HS3ST3B1: variants seen among roughly 807,000 people sequenced by gnomAD.
HS3ST3B1 encodes heparan sulfate-glucosamine 3-sulfotransferase 3B1.
Under a neutral mutation model 21.3 loss-of-function variants are expected in HS3ST3B1, and 13 were observed. That is an observed-to-expected ratio of 0.61 (90% CI 0.40 to 0.97). The LOEUF (loss-of-function observed/expected upper bound fraction) is 0.97. Ranked by LOEUF, HS3ST3B1 falls within the 50% of genes least tolerant of loss-of-function variation. The pLI is 0.00. For missense variants in HS3ST3B1, 459 were observed against 554.8 expected, an observed-to-expected ratio of 0.83 and a Z score of 1.73; for synonymous variants, 234 against 254.8, an observed-to-expected ratio of 0.92 and a Z score of 0.78.
chr17:14,306,850 T>C (rs1909154544), intron 1 of HS3ST3B1, among the ~76,000 whole-genome samples: 1 of 152,204 alleles, frequency 6.6e-6, no homozygotes, highest in African/African-American at 2.4e-5. Context: ...AATCTACATT[T>C]GTATGCAACA....
rs1908938830 is a variant in HS3ST3B1, at chr17:14,301,785, G to T, written c.267G>T (p.Pro89=). The T allele has an allele frequency of 1.3e-6, 2 of 1,557,666 alleles. No homozygotes were observed. The highest frequency in any genetic ancestry group is 1.2e-5 in the South Asian group (1 of 85,148). The part of the protein sequence containing the change: ...TAPDGTPPRL[P]FRAPPATPLA... ...CGGACGGGACGCCCCCCAGGCTGCC[G>T]TTCCGGGCGCCGCCAGCCACCCCAC... is the stretch of plus-strand genomic sequence containing the variant. Residue 89 remains proline (P), a synonymous_variant, in exon 1 of 2, where the codon CCG becomes CCT. Coordinates refer to ENST00000360954, the MANE Select transcript of HS3ST3B1 (RefSeq NM_006041.3).
chr17:14,345,706 T>C lies in HS3ST3B1; in HGVS notation c.*60T>C, dbSNP rs1003098911. 1.3e-6 allele frequency: 2 copies of C among 1,535,166 alleles called. No individual in the cohort carries two copies. Among genetic ancestry groups the C allele is most frequent in the African/African-American group, 2.8e-5 (2 of 71,890 alleles). Reference sequence around the variant, plus strand: ...TATCTATTGACAGAGATTATATGTATGTAAAATGTACAGAAATCTATTTTA... The same window carrying C: ...TATCTATTGACAGAGATTATATGTACGTAAAATGTACAGAAATCTATTTTA... On this transcript the variant is annotated 3_prime_UTR_variant, in exon 2 of 2. Transcript: ENST00000360954.
At chr17:14,302,684 C>A (rs897876407) in intron 1 of HS3ST3B1, among the ~76,000 whole-genome samples, 2 of 152,000 alleles carry the variant, frequency 1.3e-5, no homozygotes, top group Non-Finnish European at 2.9e-5. Context: ...GGTGGCCCGG[C>A]GCCTCCGCCT....
rs1910529676 is a variant in HS3ST3B1, at chr17:14,345,393, A to G, written c.920A>G (p.Glu307Gly). 4 of 1,199,576 alleles carry G rather than the reference A, an allele frequency of 3.3e-6. No homozygotes were observed. Among genetic ancestry groups the G allele is most frequent in the Non-Finnish European group, 4.7e-6 (4 of 847,286 alleles). 74.3% of individuals were successfully genotyped at this position (1,199,576 alleles called of 1,614,324 possible). A position where few individuals can be genotyped will look rare whatever the true frequency, so the allele number is the denominator to read the frequency against. Residue 307 changes from glutamate to glycine, a missense_variant, in exon 2 of 2, where the codon GAG becomes GGG. Glu to Gly is a moderately conservative substitution (Grantham distance 98). Coordinates refer to ENST00000360954, the MANE Select transcript of HS3ST3B1 (RefSeq NM_006041.3). The stretch of plus-strand genomic sequence containing the variant: ...CGGCTCATCAGCGACCCGGCCGGGG[A>G]GCTGGGCCGCGTGCAAGACTTCCTG... ...GERLISDPAG[E>G]LGRVQDFLGL... is the part of the protein sequence containing the mutation.
chr17:14,320,796 C>T (rs1186636755), intron 1 of HS3ST3B1, among the ~76,000 whole-genome samples: 1 of 152,168 alleles, frequency 6.6e-6, no homozygotes, highest in African/African-American at 2.4e-5. Context: ...CTCAGCTCCG[C>T]AGACCTACAA....
chr17:14,329,370 G>GAAAGA, intron 1 of HS3ST3B1: 1 of 64,014 alleles, frequency 1.6e-5, no homozygotes, highest in East Asian at 4.9e-4. Flanking sequence ...AGAAAGAAAA[G>GAAAGA]GAAGGAAGGA....
intron 1 of HS3ST3B1, among the ~76,000 whole-genome samples, chr17:14,334,167 A>G (rs990262928): frequency 6.6e-6 from 1 of 152,216 alleles, no homozygotes; most frequent in Non-Finnish European, 1.5e-5. Context: ...TTGCAGAGGC[A>G]AAGAGAATGA....
chr17:14,338,412 A>C (rs11652661), intron 1 of HS3ST3B1, among the ~76,000 whole-genome samples: 20,315 of 151,268 alleles, frequency 0.13, 1,742 homozygotes, highest in Admixed American at 0.21. Context: ...ATGTGAGCCA[A>C]CACGCCCAGC....
intron 1 of HS3ST3B1, among the ~76,000 whole-genome samples, chr17:14,302,547 G>A (rs1288986747): frequency 3.9e-5 from 6 of 152,166 alleles, no homozygotes; most frequent in Admixed American, 2.0e-4. Flanking sequence ...GGTGGGGGCC[G>A]CGGCGTCCCG....
At chr17:14,316,971 C>T (rs1909519958) in intron 1 of HS3ST3B1, among the ~76,000 whole-genome samples, 1 of 152,232 alleles carries the variant, frequency 6.6e-6, no homozygotes, top group Non-Finnish European at 1.5e-5. Flanking sequence ...ACCGTAGGTT[C>T]TTCGTACTTG....
intron 1 of HS3ST3B1, among the ~76,000 whole-genome samples, chr17:14,321,990 TTA>T (rs138012664): frequency 1.4e-3 from 207 of 149,818 alleles, no homozygotes; most frequent in African/African-American, 2.5e-3. Context: ...ATCATCTCTT[TTA>T]TATATATATA....
rs376605009 is a variant in HS3ST3B1, at chr17:14,345,506, C to G, written c.1033C>G (p.Arg345Gly). The G allele has an allele frequency of 1.3e-6, 2 of 1,592,124 alleles. No individual in the cohort carries two copies. Among genetic ancestry groups the G allele is most frequent in the Non-Finnish European group, 1.7e-6 (2 of 1,163,666 alleles). The stretch of plus-strand genomic sequence containing the variant: ...CCTGAAGAAGGCGGAGGGCAGCAGC[C>G]GGCCCCATTGCCTGGGCAAGACCAA... Reference protein sequence around the residue: ...PCLKKAEGSSRPHCLGKTKGR... With the variant: ...PCLKKAEGSSGPHCLGKTKGR... The change falls in exon 2 of 2, where the codon CGG becomes GGG. Residue 345 changes from arginine to glycine, a missense_variant. By Grantham distance (125) the Arg-to-Gly change is moderately radical (BLOSUM62 -2). Coordinates refer to ENST00000360954, the MANE Select transcript of HS3ST3B1 (RefSeq NM_006041.3).
chr17:14,322,620 T>C (rs1242335568), intron 1 of HS3ST3B1, among the ~76,000 whole-genome samples: 1 of 152,148 alleles, frequency 6.6e-6, no homozygotes, highest in Non-Finnish European at 1.5e-5. Flanking sequence ...GCAGATCCCA[T>C]GTGTATGTAT....
In HS3ST3B1 at chr17:14,345,028, G is replaced by A. The variant is rs77608217; in HGVS notation, c.555G>A (p.Arg185=). The part of the protein sequence containing the change: ...RSYDKGLAWY[R]DLMPRTLDGQ... Reference sequence around the variant, plus strand: ...CGGTTTGTTTGCTTGCGTTTCTCAGGGACCTGATGCCCAGAACCCTGGACG... The same window carrying A: ...CGGTTTGTTTGCTTGCGTTTCTCAGAGACCTGATGCCCAGAACCCTGGACG... Residue 185 remains arginine, a splice_region_variant and synonymous_variant, in exon 2 of 2, where the codon CGG becomes CGA. Transcript: ENST00000360954. The A allele has an allele frequency of 9.4e-4, 1,515 of 1,604,606 alleles. 19 individuals are homozygous for A. In the African/African-American group the frequency reaches 0.019, roughly 20 times the overall value.
At chr17:14,335,679 G>A (rs1333955598) in intron 1 of HS3ST3B1, among the ~76,000 whole-genome samples, 1 of 151,546 alleles carries the variant, frequency 6.6e-6, no homozygotes, top group Non-Finnish European at 1.5e-5. Flanking sequence ...GGGCAACAGA[G>A]CAAGACTCTG....
At chr17:14,322,881 G>A (rs942097302) in intron 1 of HS3ST3B1, among the ~76,000 whole-genome samples, 5 of 149,552 alleles carry the variant, frequency 3.3e-5, no homozygotes, top group Non-Finnish European at 7.4e-5. Context: ...GTTGAGAAGC[G>A]AGATTTGTGT....
chr17:14,337,381 G>A (rs1013416766), intron 1 of HS3ST3B1, among the ~76,000 whole-genome samples: 1 of 151,234 alleles, frequency 6.6e-6, no homozygotes, highest in African/African-American at 2.4e-5. Flanking sequence ...AGGCTGGAGT[G>A]CAGTGTCAGG....
intron 1 of HS3ST3B1, among the ~76,000 whole-genome samples, chr17:14,323,812 C>A (rs1449968373): frequency 6.6e-6 from 1 of 152,168 alleles, no homozygotes; most frequent in Non-Finnish European, 1.5e-5. Flanking sequence ...CTTGATTAAT[C>A]TCCAAAACGT....
intron 1 of HS3ST3B1, chr17:14,329,209 C>T (rs1310273727): frequency 6.6e-6 from 1 of 152,066 alleles, no homozygotes; most frequent in Admixed American, 6.6e-5. Flanking sequence ...GTGCTTGCTT[C>T]TTTTTAGCAG....
Sources: allele counts gnomAD v4.1 joint callset (sites outside exome capture counted in the v4.1 genomes callset), GRCh38; gene constraint gnomAD v4.1.1; transcripts MANE v1.5; gene names NCBI Gene and HGNC (gene_info 2026-07-23, HGNC 2026-07-21).